Variants in CSMD2 observed in about 807,000 individuals in gnomAD.
CSMD2 encodes CUB and sushi domain-containing protein 2.
A neutral mutation model predicts 398.5 loss-of-function variants in CSMD2; 130 were observed. The observed-to-expected ratio is 0.33, with a 90% CI of 0.28 to 0.38. The LOEUF is 0.38. Ranked by LOEUF, CSMD2 falls within the 10% of genes least tolerant of loss-of-function variation. CSMD2 has a pLI of 1.00. For synonymous variants in CSMD2, 1,828 were observed against 1,908.5 expected (o/e 0.96, Z 1.10); for missense variants, 3,829 against 4,764.9 (o/e 0.80, Z 5.78).
chr1:33,732,934 A>G (rs959555581), intron 15 of CSMD2, among the ~76,000 whole-genome samples: 6 of 152,180 alleles, frequency 3.9e-5, no homozygotes, highest in African/African-American at 1.4e-4. Flanking sequence ...CATTAACCTC[A>G]TTTCATAGCT....
intron 3 of CSMD2, among the ~76,000 whole-genome samples, chr1:33,988,656 T>C (rs1015179206): frequency 2.6e-5 from 4 of 151,840 alleles, no homozygotes; most frequent in Admixed American, 6.6e-5. Flanking sequence ...TCAGGACTGA[T>C]GCCCAGCAAT....
chr1:33,955,757 C>CATCATCACT (rs58313388), intron 3 of CSMD2, among the ~76,000 whole-genome samples: 75,339 of 151,602 alleles, frequency 0.5, 18,865 homozygotes, highest in Non-Finnish European at 0.53. Context: ...TCACCATCAT[C>CATCATCACT]ATCATCATTT....
At chr1:33,550,968 G>C (rs560813168) in intron 55 of CSMD2, among the ~76,000 whole-genome samples, 8 of 152,302 alleles carry the variant, frequency 5.3e-5, no homozygotes, top group African/African-American at 1.9e-4. Context: ...TCTTGTCACA[G>C]GATCACAGGT....
At chr1:33,910,897 C>T (rs536270582) in intron 5 of CSMD2, among the ~76,000 whole-genome samples, 14 of 152,328 alleles carry the variant, frequency 9.2e-5, no homozygotes, top group East Asian at 1.9e-4. Flanking sequence ...CCCTTTGTAG[C>T]GTGAGTTAGC....
Position 33,672,338 on chromosome 1 carries a change from G to A in CSMD2, c.4053-9246C>T, listed in dbSNP as rs571273016. Among the ~76,000 whole-genome samples the A allele has an allele frequency of 9.8e-5, 15 of 152,340 alleles. No individual in the cohort carries two copies. In the South Asian group the frequency reaches 1.0e-3, roughly 11 times the overall value. On this transcript the variant is annotated intron_variant, in intron 25 of 70. Coordinates refer to ENST00000373381, the MANE Select transcript of CSMD2 (RefSeq NM_001281956.2). ...GGAGATTATATTCCGCACCTGGCTC[G>A]GAGGGTCCTACGCCCACGGAGCCTT...
At chr1:33,885,132 A>G (rs1641500475) in intron 5 of CSMD2, 1 of 152,188 alleles carries the variant, frequency 6.6e-6, no homozygotes, top group Admixed American at 6.5e-5. Flanking sequence ...CAGAGAGTTT[A>G]AGTAGCTTGC....
At chr1:33,830,624 G>T (rs565037301) in intron 6 of CSMD2, among the ~76,000 whole-genome samples, 3 of 152,036 alleles carry the variant, frequency 2.0e-5, no homozygotes, top group African/African-American at 7.2e-5. Context: ...CCAAAGGAAC[G>T]CAGTTCCTCA....
chr1:34,052,679 AT>A (rs1399546314), intron 2 of CSMD2, among the ~76,000 whole-genome samples: 1 of 152,164 alleles, frequency 6.6e-6, no homozygotes, highest in Non-Finnish European at 1.5e-5. Flanking sequence ...TGCAAACTCC[AT>A]TTAGAACAAG....
intron 49 of CSMD2, among the ~76,000 whole-genome samples, chr1:33,576,911 T>C (rs1021563548): frequency 1.3e-5 from 2 of 151,780 alleles, no homozygotes; most frequent in African/African-American, 4.9e-5. Flanking sequence ...TGCATGCAAA[T>C]TGACTGACAC....
At position 33,580,857 on chromosome 1, in the gene CSMD2, T is replaced by C. The variant is rs779823717; in HGVS notation, c.7283A>G (p.Asn2428Ser). The change falls in exon 48 of 71, where the codon AAT becomes AGT. Residue 2428 changes from asparagine to serine, a missense_variant. Transcript: ENST00000373381. ...GGTGACAATCAGGGGAGCTGAGTAA[T>C]TCCCACTGAGGGCTTTCAGCAGAGG... ...QSPLLKALSG[N>S]YSAPLIVTSS... The C allele has an allele frequency of 1.9e-6, 3 of 1,614,104 alleles. No homozygotes were observed. Among genetic ancestry groups the C allele is most frequent in the South Asian group, 2.2e-5 (2 of 91,058 alleles).
chr1:33,768,748 T>G (rs890817902), intron 13 of CSMD2, among the ~76,000 whole-genome samples: 8 of 152,178 alleles, frequency 5.3e-5, no homozygotes, highest in Admixed American at 1.3e-4. Flanking sequence ...TTGTATCTTC[T>G]GGGACATTTT....
At chr1:33,735,745 T>C (rs1479638883) in intron 15 of CSMD2, among the ~76,000 whole-genome samples, 3 of 152,228 alleles carry the variant, frequency 2.0e-5, no homozygotes, top group African/African-American at 4.8e-5. Flanking sequence ...TAAGTGGCTC[T>C]TAGCATATAT....
intron 3 of CSMD2, among the ~76,000 whole-genome samples, chr1:34,009,152 TC>T (rs1647162440): frequency 6.6e-6 from 1 of 152,142 alleles, no homozygotes; most frequent in South Asian, 2.1e-4. Context: ...GATCCTTTTC[TC>T]TTTTTTCCAG....
At chr1:33,598,231 G>T (rs1639968712) in intron 44 of CSMD2, among the ~76,000 whole-genome samples, 1 of 152,148 alleles carries the variant, frequency 6.6e-6, no homozygotes. Flanking sequence ...GCACATACAT[G>T]TTACATACAT....
At chr1:33,805,448 G>A (rs1333242242) in intron 10 of CSMD2, among the ~76,000 whole-genome samples, 2 of 151,988 alleles carry the variant, frequency 1.3e-5, no homozygotes, top group Non-Finnish European at 2.9e-5. Flanking sequence ...GTGGTTCCAG[G>A]CACCCGGACC....
At chr1:33,821,449 TCGGAG>T (rs1160385798) in intron 7 of CSMD2, among the ~76,000 whole-genome samples, 1 of 152,142 alleles carries the variant, frequency 6.6e-6, no homozygotes, top group Non-Finnish European at 1.5e-5. Flanking sequence ...CACAGCCTGG[TCGGAG>T]GAGTTCCACT....
At chr1:34,031,038 T>C (rs1650345045) in intron 3 of CSMD2, among the ~76,000 whole-genome samples, 1 of 151,980 alleles carries the variant, frequency 6.6e-6, no homozygotes, top group South Asian at 2.1e-4. Flanking sequence ...CAGGGCCAGG[T>C]TGAAGGAATA....
chr1:33,608,835 TTGGACAG>T (rs1201976833), intron 41 of CSMD2, among the ~76,000 whole-genome samples: 2 of 152,146 alleles, frequency 1.3e-5, no homozygotes, highest in African/African-American at 4.8e-5. Flanking sequence ...CCCAGAGCCA[TTGGACAG>T]TAAGTTTCCG....
At chr1:33,805,775 A>T (rs1161116862) in intron 10 of CSMD2, among the ~76,000 whole-genome samples, 3 of 152,142 alleles carry the variant, frequency 2.0e-5, no homozygotes, top group African/African-American at 7.2e-5. Context: ...GAAGGTGGCC[A>T]TTTACGAGCC....
Sources: allele counts gnomAD v4.1 joint callset (sites outside exome capture counted in the v4.1 genomes callset), GRCh38; gene constraint gnomAD v4.1.1; transcripts MANE v1.5; gene names NCBI Gene and HGNC (gene_info 2026-07-23, HGNC 2026-07-21).